Variants in UPF3B observed in about 807,000 individuals in gnomAD.
The protein encoded by UPF3B is regulator of nonsense transcripts 3B.
Under a neutral mutation model 40.3 loss-of-function variants are expected in UPF3B, and 7 were observed. The observed-to-expected ratio is 0.17, with a 90% CI of 0.10 to 0.33. UPF3B has a LOEUF of 0.33. UPF3B is among the 10% of genes least tolerant of loss of function. The pLI is 1.00. For missense variants in UPF3B, 229 were observed against 358.9 expected (o/e 0.64, Z 2.93); for synonymous variants, 117 against 117.3 (o/e 1.00, Z 0.01).
chrX:119,808,968 A>G lies in UPF3B; in HGVS notation c.603-1387T>C, dbSNP rs894357809. Among the ~76,000 whole-genome samples, 12 of 112,331 alleles carry G rather than the reference A, an allele frequency of 1.1e-4. No individual in the cohort carries two copies. In the East Asian group the frequency reaches 3.3e-3, roughly 31 times the overall value. On this transcript the variant is annotated intron_variant, in intron 5 of 6. Coordinates refer to the UPF3B transcript ENST00000636792. ...AATGCTTCATTAACACCATTAACCT[A>G]TGTATCTCAATTTCTTTCACAGCTG...
At chrX:119,823,952 C>T (rs892849686) in intron 3 of UPF3B, among the ~76,000 whole-genome samples, 2 of 111,491 alleles carry the variant, frequency 1.8e-5, no homozygotes, top group Non-Finnish European at 3.8e-5. Flanking sequence ...GCTATGGTGC[C>T]TGGCCTATAG....
chrX:119,817,690 C>T (rs911834905), intron 4 of UPF3B, among the ~76,000 whole-genome samples: 11 of 111,724 alleles, frequency 9.8e-5, no homozygotes, highest in Non-Finnish European at 1.5e-4. Flanking sequence ...AAAAATATCT[C>T]GACAGGATCT....
intron 7 of UPF3B, 88 bp downstream of exon 7, chrX:119,840,988 T>C (rs1031505594): frequency 9.6e-7 from 1 of 1,041,790 alleles, no homozygotes. Context: ...AAAAAATTCA[T>C]TTACACCAAC....
In UPF3B at chrX:119,843,368, C is replaced by T. The variant is rs2496212; in HGVS notation, c.470-67G>A. ...AAACAAAAAAAGAAGACATTATCTA[C>T]AATACTGATTTATCAAAGAAGATAA... On this transcript the variant is annotated intron_variant, in intron 4 of 10. Coordinates refer to ENST00000276201, the MANE Select transcript of UPF3B (RefSeq NM_080632.3). The T allele has an allele frequency of 0.013, 10,271 of 768,719 alleles. 554 individuals are homozygous for T. The African/African-American group carries it at 0.18, about 13-fold the overall frequency. 63.4% of individuals were successfully genotyped at this position (768,719 alleles called of 1,213,427 possible).
intron 3 of UPF3B, among the ~76,000 whole-genome samples, chrX:119,850,962 G>A (rs768411975): frequency 2.5e-4 from 28 of 111,652 alleles, no homozygotes; most frequent in Non-Finnish European, 4.9e-4. Context: ...GGCTGGTCTC[G>A]ATCTCCTGAC....
chrX:119,811,177 T>C (rs1185508601), intron 5 of UPF3B, among the ~76,000 whole-genome samples: 1 of 110,596 alleles, frequency 9.0e-6, no homozygotes, highest in Non-Finnish European at 1.9e-5. Flanking sequence ...TAGTTTGTAC[T>C]ACAGGTACGC....
At chrX:119,807,096 T>C (rs1178692612) in intron 6 of UPF3B, among the ~76,000 whole-genome samples, 1 of 109,511 alleles carries the variant, frequency 9.1e-6, no homozygotes, top group African/African-American at 3.3e-5. Context: ...CAACAGCTTT[T>C]GATTTTAGAA....
chrX:119,824,770 T>C (rs1027687222), intron 3 of UPF3B, among the ~76,000 whole-genome samples: 2 of 94,803 alleles, frequency 2.1e-5, no homozygotes, highest in African/African-American at 8.4e-5. Context: ...CTTTCTTTTT[T>C]TTTTTTTTTT....
intron 4 of UPF3B, among the ~76,000 whole-genome samples, chrX:119,816,514 G>A (rs752314958): frequency 3.6e-5 from 4 of 111,477 alleles, no homozygotes; most frequent in Non-Finnish European, 7.5e-5. Context: ...GCAAATGGAA[G>A]AAATTGAAGA....
At chrX:119,815,049 AGAGAT>A (rs1284473580) in intron 5 of UPF3B, among the ~76,000 whole-genome samples, 2 of 109,259 alleles carry the variant, frequency 1.8e-5, no homozygotes, top group African/African-American at 6.6e-5. Flanking sequence ...TATTTTCAGT[AGAGAT>A]GGGGTTTCAC....
At chrX:119,850,260 C>T (rs746901863) in intron 3 of UPF3B, among the ~76,000 whole-genome samples, 3 of 111,229 alleles carry the variant, frequency 2.7e-5, no homozygotes, top group Admixed American at 9.6e-5. Flanking sequence ...GATTGCGCCA[C>T]AGCACTCCAG....
chrX:119,807,702 G>T (rs779569105), intron 5 of UPF3B: 1 of 260,446 alleles, frequency 3.8e-6, no homozygotes, highest in Non-Finnish European at 5.3e-6. Context: ...GACCAAAAAT[G>T]TGAGGGCATG....
rs2056306448 is a variant in UPF3B at position 119,851,755 on chromosome X, T to G, written c.263+12A>C. On this transcript the variant is annotated intron_variant, in intron 2 of 10. Coordinates refer to ENST00000276201, the MANE Select transcript of UPF3B (RefSeq NM_080632.3). ...TTTTCATTTACCCCTTTCCTTTTTT[T>G]TTTTTTTTTACCTCGTATCATTAGA... 1 of 912,787 alleles carries G rather than the reference T, an allele frequency of 1.1e-6. No homozygotes were observed. Among genetic ancestry groups the G allele is most frequent in the Non-Finnish European group, 1.5e-6 (1 of 677,846 alleles). 75.2% of individuals were successfully genotyped at this position (912,787 alleles called of 1,213,427 possible). A position where few individuals can be genotyped will look rare whatever the true frequency, so the allele number is the denominator to read the frequency against.
chrX:119,813,193 T>C (rs1204756380), intron 5 of UPF3B, among the ~76,000 whole-genome samples: 1 of 111,786 alleles, frequency 8.9e-6, no homozygotes, highest in East Asian at 2.8e-4. Flanking sequence ...GTCTAACATT[T>C]TGTTCTTATG....
intron 8 of UPF3B, among the ~76,000 whole-genome samples, chrX:119,838,869 G>A (rs1203036427): frequency 9.0e-6 from 1 of 111,300 alleles, no homozygotes; most frequent in African/African-American, 3.3e-5. Context: ...TTGACCTCCT[G>A]GGCTTAAGTG....
chrX:119,831,736 G>GT, downstream of UPF3B: 1 of 752,864 alleles, frequency 1.3e-6, no homozygotes, highest in South Asian at 6.7e-5. Context: ...CTCCTGGATG[G>GT]TAAGACTGCA....
chrX:119,845,324 C>T, intron 3 of UPF3B, 28 bp from the exon 4 acceptor site: 2 of 1,119,524 alleles, frequency 1.8e-6, no homozygotes, highest in South Asian at 3.6e-5. Flanking sequence ...ACCACACTTG[C>T]TATAACAAAG....
At chrX:119,813,132 C>T (rs1288426419) in intron 5 of UPF3B, among the ~76,000 whole-genome samples, 3 of 111,783 alleles carry the variant, frequency 2.7e-5, no homozygotes, top group African/African-American at 9.7e-5. Context: ...GATGCCACGT[C>T]AGGAAGGGCT....
At position 119,834,142 on chromosome X, in the gene UPF3B, A is replaced by G; in HGVS notation, c.*736T>C. On this transcript the variant is annotated 3_prime_UTR_variant, in exon 11 of 11. Coordinates refer to ENST00000276201, the MANE Select transcript of UPF3B (RefSeq NM_080632.3). ...TCCTTCCTGGAGAGGGTATGCACTC[A>G]GATCATGAGACCTAAGATCAAACAC... The G allele has an allele frequency of 1.3e-6, 1 of 755,100 alleles. No homozygotes were observed. Among genetic ancestry groups the G allele is most frequent in the South Asian group, 6.7e-5 (1 of 14,885 alleles). 62.2% of individuals were successfully genotyped at this position (755,100 alleles called of 1,213,427 possible). A position where few individuals can be genotyped will look rare whatever the true frequency, so the allele number is the denominator to read the frequency against.
Sources: allele counts gnomAD v4.1 joint callset (sites outside exome capture counted in the v4.1 genomes callset), GRCh38; gene constraint gnomAD v4.1.1; transcripts MANE v1.5; gene names NCBI Gene and HGNC (gene_info 2026-07-23, HGNC 2026-07-21).